Variants in PPARG observed in about 807,000 individuals in gnomAD.
The protein encoded by PPARG is peroxisome proliferator-activated receptor gamma.
In PPARG, 17 loss-of-function variants were observed where a neutral mutation model predicts 39.2. The ratio of observed to expected loss-of-function variants is 0.43; its 90% CI spans 0.30 to 0.65. PPARG has a LOEUF of 0.65. Among genes scored for constraint, PPARG ranks in the 30% least tolerant of loss-of-function variants. PPARG has a pLI of 0.13. For synonymous variants in PPARG, 223 were observed against 215.7 expected, an observed-to-expected ratio of 1.03 and a Z score of -0.30; for missense variants, 406 against 585.9, an observed-to-expected ratio of 0.69 and a Z score of 3.17.
At chr3:12,365,421 C>G (rs2048983711) in intron 2 of PPARG, among the ~76,000 whole-genome samples, 2 of 151,990 alleles carry the variant, frequency 1.3e-5, no homozygotes, top group African/African-American at 4.8e-5. Context: ...TGGTTCATGT[C>G]TCTGGTGGTG....
At chr3:12,430,520 C>T (rs62243565) in intron 7 of PPARG, among the ~76,000 whole-genome samples, 23,517 of 152,270 alleles carry the variant, frequency 0.15, 2,041 homozygotes, top group Admixed American at 0.24. Context: ...AGATGCAACT[C>T]TTTTCTCTAA....
At chr3:12,373,004 G>A (rs1273978222) in intron 2 of PPARG, among the ~76,000 whole-genome samples, 2 of 152,200 alleles carry the variant, frequency 1.3e-5, no homozygotes, top group Non-Finnish European at 2.9e-5. Context: ...CAGCTAGGGA[G>A]TTAAGACATG....
At chr3:12,418,691 G>A (rs1301143453) in intron 7 of PPARG, among the ~76,000 whole-genome samples, 1 of 152,202 alleles carries the variant, frequency 6.6e-6, no homozygotes, top group African/African-American at 2.4e-5. Flanking sequence ...AGCACTGAGA[G>A]GTTTTCTCAT....
chr3:12,302,047 A>G (rs1355412967), intron 1 of PPARG, among the ~76,000 whole-genome samples: 1 of 152,218 alleles, frequency 6.6e-6, no homozygotes, highest in South Asian at 2.1e-4. Context: ...GTAACTAACA[A>G]TTCACAGCAG....
chr3:12,392,117 T>C (rs2050096992), intron 4 of PPARG, among the ~76,000 whole-genome samples: 1 of 152,064 alleles, frequency 6.6e-6, no homozygotes. Flanking sequence ...CTGCAGGAAA[T>C]TATGCAACAT....
chr3:12,434,070 G>A lies in PPARG; in HGVS notation c.1353G>A (p.Leu451=). Residue 451 remains leucine (L), a synonymous_variant, in exon 8 of 8, where the codon CTG becomes CTA. Coordinates refer to ENST00000651735, the MANE Select transcript of PPARG (RefSeq NM_138711.6). The surrounding 1 kb of genome is among the most constrained non-coding windows in gnomAD (Gnocchi z 4.2). ...RQIVTEHVQL[L]QVIKKTETDM... is the part of the protein sequence containing the mutation. The stretch of plus-strand genomic sequence containing the variant: ...TTGTCACGGAACACGTGCAGCTACT[G>A]CAGGTGATCAAGAAGACGGAGACAG... 1 of 1,614,208 alleles carries A rather than the reference G, an allele frequency of 6.2e-7. No individual in the cohort carries two copies. The highest frequency in any genetic ancestry group is 8.5e-7 in the Non-Finnish European group (1 of 1,180,020).
Position 12,329,148 on chromosome 3 carries a change from C to T in PPARG, c.-9+16695C>T, listed in dbSNP as rs1262881728. Among the ~76,000 whole-genome samples, 12 of 122,756 alleles carry T rather than the reference C, an allele frequency of 9.8e-5. No individual in the cohort carries two copies. The East Asian group carries it at 2.9e-3, about 29-fold the overall frequency. 80.5% of individuals were successfully genotyped at this position (122,756 alleles called of 152,430 possible). ...TTGCAAATTATGTTAAAAACAAGGA[C>T]AATAAATACTCAAAATGCAAAAAAA... On this transcript the variant is annotated intron_variant, in intron 2 of 7. Transcript: ENST00000651735.
At position 12,434,008 on chromosome 3, in the gene PPARG, G is replaced by A; in HGVS notation, c.1291G>A (p.Ala431Thr). Residue 431 changes from alanine to threonine, a missense_variant, in exon 8 of 8, where the codon GCC becomes ACC. Around this residue, in one of 2 missense-constraint regions of PPARG, gnomAD observed 275 missense variants for 458.0 expected, o/e 0.60. Transcript: ENST00000651735. The surrounding 1 kb of genome is among the most constrained non-coding windows in gnomAD (Gnocchi z 4.2). ...LNHPESSQLFAKLLQKMTDLR... is the reference protein window; with the variant it reads ...LNHPESSQLFTKLLQKMTDLR... ...CCACCCTGAGTCCTCACAGCTGTTT[G>A]CCAAGCTGCTCCAGAAAATGACAGA... The A allele has an allele frequency of 6.2e-7, 1 of 1,614,224 alleles. No homozygotes were observed. The highest frequency in any genetic ancestry group is 8.5e-7 in the Non-Finnish European group (1 of 1,180,038).
chr3:12,399,572 A>T (rs935645475), intron 5 of PPARG: 2 of 179,100 alleles, frequency 1.1e-5, no homozygotes, highest in Admixed American at 1.3e-4. Context: ...AGGCAAGAGA[A>T]TGAGACCCTG....
chr3:12,367,939 G>T (rs1000755226), intron 2 of PPARG, among the ~76,000 whole-genome samples: 1 of 151,544 alleles, frequency 6.6e-6, no homozygotes, highest in African/African-American at 2.4e-5. Context: ...ACCCTTTGTT[G>T]ATCTGAATTT....
At chr3:12,311,108 T>A (rs535818830) in intron 1 of PPARG, among the ~76,000 whole-genome samples, 85 of 151,962 alleles carry the variant, frequency 5.6e-4, no homozygotes, top group South Asian at 2.3e-3. Flanking sequence ...TATTAAAATT[T>A]TTTTTTTATT....
chr3:12,394,759 G>C (rs1348377957), intron 5 of PPARG, among the ~76,000 whole-genome samples: 1 of 152,174 alleles, frequency 6.6e-6, no homozygotes, highest in African/African-American at 2.4e-5. Flanking sequence ...CCTGTTAGCT[G>C]TATGAAGAAA....
At chr3:12,366,437 CTTT>C (rs1487513471) in intron 2 of PPARG, among the ~76,000 whole-genome samples, 1 of 151,564 alleles carries the variant, frequency 6.6e-6, no homozygotes. Context: ...CTTTTATTTC[CTTT>C]TCTTGTCTTG....
At chr3:12,298,324 A>AG (rs1559483682) in intron 1 of PPARG, among the ~76,000 whole-genome samples, 1 of 134,644 alleles carries the variant, frequency 7.4e-6, no homozygotes. Context: ...AAAAAAAAAA[A>AG]AAAGAAATGT....
chr3:12,395,117 G>T (rs1575109296), intron 5 of PPARG, among the ~76,000 whole-genome samples: 1 of 152,204 alleles, frequency 6.6e-6, no homozygotes, highest in Admixed American at 6.5e-5. Context: ...TGCTAATGTT[G>T]TTGGATAGTC....
rs934151995 is a variant in PPARG at position 12,325,367 on chromosome 3, G to T, written c.-9+12914G>T. 2.6e-5 allele frequency among the ~76,000 whole-genome samples: 4 copies of T among 152,206 alleles called. No homozygotes were observed. The East Asian group carries it at 5.8e-4, about 22-fold the overall frequency. ...ACCCAAGAGGCGGAGGTTGCAGTGA[G>T]CCAAGATCACGCCGTTGCACTCTAG... On this transcript the variant is annotated intron_variant, in intron 2 of 7. Transcript: ENST00000651735.
At chr3:12,353,677 T>G (rs1045340468) in intron 2 of PPARG, among the ~76,000 whole-genome samples, 1 of 152,176 alleles carries the variant, frequency 6.6e-6, no homozygotes, top group Non-Finnish European at 1.5e-5. Flanking sequence ...ATTAAAAATC[T>G]CGACTACACT....
chr3:12,430,391 CAAG>C (rs1375023001), intron 7 of PPARG, among the ~76,000 whole-genome samples: 2 of 152,160 alleles, frequency 1.3e-5, no homozygotes, highest in South Asian at 4.1e-4. Flanking sequence ...GGGGGAGAAA[CAAG>C]AAAGTCAGAA....
intron 3 of PPARG, 150 bp downstream of exon 3, chr3:12,380,081 T>C (rs954937484): frequency 1.6e-5 from 13 of 833,548 alleles, no homozygotes; most frequent in Non-Finnish European, 2.3e-5. Context: ...CCATGAAATA[T>C]TAGGTATCTA....
Sources: allele counts gnomAD v4.1 joint callset (sites outside exome capture counted in the v4.1 genomes callset), GRCh38; gene constraint gnomAD v4.1.1; regional missense constraint gnomAD v4.1.1; non-coding constraint Gnocchi (gnomAD v3.1); transcripts MANE v1.5; gene names NCBI Gene and HGNC (gene_info 2026-07-23, HGNC 2026-07-21).